The following PARD3 variants were observed in gnomAD, a reference collection of about 807,000 sequenced individuals.
PARD3 encodes the protein partitioning defective 3 homolog.
PARD3 carries 75 observed loss-of-function variants against 155.4 expected under a neutral mutation model. That is an observed-to-expected ratio of 0.48 (90% CI 0.40 to 0.58). The LOEUF (loss-of-function observed/expected upper bound fraction) is 0.58. Ranked by LOEUF, PARD3 falls within the 20% of genes least tolerant of loss-of-function variation. The pLI is 0.00. For synonymous variants in PARD3, 576 were observed against 610.5 expected (o/e 0.94, Z 0.83); for missense variants, 1,642 against 1,721.7 (o/e 0.95, Z 0.82).
At chr10:34,535,120 A>G (rs538627856) in intron 2 of PARD3, among the ~76,000 whole-genome samples, 1 of 152,244 alleles carries the variant, frequency 6.6e-6, no homozygotes. Context: ...TTATGTAACA[A>G]TCTACATAAA....
At chr10:34,674,389 C>T (rs1223257371) in intron 2 of PARD3, among the ~76,000 whole-genome samples, 1 of 151,494 alleles carries the variant, frequency 6.6e-6, no homozygotes, top group Non-Finnish European at 1.5e-5. Flanking sequence ...CACTGCCTAG[C>T]GGGTAGCCCT....
At chr10:34,468,972 T>C (rs529211946) in intron 4 of PARD3, among the ~76,000 whole-genome samples, 1 of 152,318 alleles carries the variant, frequency 6.6e-6, no homozygotes, top group African/African-American at 2.4e-5. Flanking sequence ...TGAAAAAATG[T>C]TTATTAATTC....
intron 3 of PARD3, among the ~76,000 whole-genome samples, chr10:34,498,502 C>T (rs1244396690): frequency 1.3e-5 from 2 of 152,176 alleles, no homozygotes; most frequent in Admixed American, 6.5e-5. Context: ...CCCCTGGGCA[C>T]AGTGTTGCTC....
chr10:34,540,919 G>C (rs140994835), intron 2 of PARD3, among the ~76,000 whole-genome samples: 199 of 152,234 alleles, frequency 1.3e-3, no homozygotes, highest in African/African-American at 4.5e-3. Context: ...TGAAGTTTTA[G>C]AACAATGACC....
chr10:34,703,047 T>C (rs542789204), intron 1 of PARD3, among the ~76,000 whole-genome samples: 1 of 151,860 alleles, frequency 6.6e-6, no homozygotes, highest in East Asian at 1.9e-4. Flanking sequence ...GAAAGAAACG[T>C]GGTGAGAGAG....
At chr10:34,347,326 TG>T (rs1215313635) in intron 15 of PARD3, among the ~76,000 whole-genome samples, 1 of 152,360 alleles carries the variant, frequency 6.6e-6, no homozygotes, top group Admixed American at 6.5e-5. Flanking sequence ...AGTAGAAAGC[TG>T]AACTGCTGCA....
At chr10:34,644,935 C>T (rs2092790486) in intron 2 of PARD3, among the ~76,000 whole-genome samples, 2 of 152,174 alleles carry the variant, frequency 1.3e-5, no homozygotes, top group South Asian at 2.1e-4. Flanking sequence ...CCCACTTCAG[C>T]CTTGAACTCC....
intron 22 of PARD3, among the ~76,000 whole-genome samples, chr10:34,181,723 A>AT (rs959073446): frequency 1.2e-4 from 19 of 152,264 alleles, no homozygotes; most frequent in African/African-American, 4.1e-4. Flanking sequence ...ATCTGGTTAC[A>AT]TGGGATTGCT....
chr10:34,187,615 T>C (rs1472776678), intron 22 of PARD3, among the ~76,000 whole-genome samples: 1 of 152,226 alleles, frequency 6.6e-6, no homozygotes, highest in African/African-American at 2.4e-5. Context: ...AGGGGAGTGA[T>C]GTAAATTTAG....
chr10:34,787,081 C>T lies in PARD3; in HGVS notation c.120+27795G>A, dbSNP rs942305537. On this transcript the variant is annotated intron_variant, in intron 1 of 24. Transcript: ENST00000374788. ...CAAAAATCCCTATGAATCTACTATA[C>T]ACCAAGAATATAAAGATAGGCCAGG... 3.9e-5 allele frequency among the ~76,000 whole-genome samples: 6 copies of T among 152,280 alleles called. No individual in the cohort carries two copies. The South Asian group carries it at 1.2e-3, about 32-fold the overall frequency.
intron 2 of PARD3, among the ~76,000 whole-genome samples, chr10:34,599,763 G>T (rs1302437633): frequency 6.6e-6 from 1 of 152,098 alleles, no homozygotes; most frequent in Non-Finnish European, 1.5e-5. Context: ...TCAACCTGAG[G>T]TCTACAAGAC....
chr10:34,593,386 C>T (rs2088908787), intron 2 of PARD3, among the ~76,000 whole-genome samples: 1 of 152,100 alleles, frequency 6.6e-6, no homozygotes, highest in African/African-American at 2.4e-5. Context: ...GTGTATAAAG[C>T]AATGTATAAG....
intron 22 of PARD3, among the ~76,000 whole-genome samples, chr10:34,151,472 A>T (rs1948779664): frequency 6.6e-6 from 1 of 152,196 alleles, no homozygotes; most frequent in Admixed American, 6.5e-5. Flanking sequence ...TTCTAAAAAC[A>T]TGAGTGTATA....
chr10:34,651,011 C>CAAAAAAAAAAAA (rs60113552), intron 2 of PARD3, among the ~76,000 whole-genome samples: 10 of 44,544 alleles, frequency 2.2e-4, no homozygotes, highest in Middle Eastern at 0.016. Flanking sequence ...AACTCTGTCT[C>CAAAAAAAAAAAA]AAAAAAAAAA....
At chr10:34,387,584 T>C (rs1456925518) in intron 7 of PARD3, among the ~76,000 whole-genome samples, 1 of 152,064 alleles carries the variant, frequency 6.6e-6, no homozygotes, top group African/African-American at 2.4e-5. Flanking sequence ...CTGGCTAGTT[T>C]GTTTGTTTGT....
chr10:34,722,850 A>C (rs1466608256), intron 1 of PARD3, among the ~76,000 whole-genome samples: 2 of 152,168 alleles, frequency 1.3e-5, no homozygotes, highest in Non-Finnish European at 2.9e-5. Flanking sequence ...ACATGATGAA[A>C]TATTTACCAG....
intron 12 of PARD3, among the ~76,000 whole-genome samples, chr10:34,368,340 A>G (rs575716197): frequency 6.6e-6 from 1 of 152,304 alleles, no homozygotes; most frequent in South Asian, 2.1e-4. Flanking sequence ...GGTAGAAGTC[A>G]GTAGGATTAG....
chr10:34,466,720 A>G (rs979295341), intron 4 of PARD3, among the ~76,000 whole-genome samples: 1 of 152,114 alleles, frequency 6.6e-6, no homozygotes, highest in Non-Finnish European at 1.5e-5. Context: ...GGCTTAACAG[A>G]AATAAATAAA....
At chr10:34,453,149 C>T (rs1003729028) in intron 4 of PARD3, among the ~76,000 whole-genome samples, 9 of 152,214 alleles carry the variant, frequency 5.9e-5, no homozygotes, top group African/African-American at 2.2e-4. Context: ...ATGGTGCTTA[C>T]TGTACCACAC....
Sources: allele counts gnomAD v4.1 joint callset (sites outside exome capture counted in the v4.1 genomes callset), GRCh38; gene constraint gnomAD v4.1.1; transcripts MANE v1.5; gene names NCBI Gene and HGNC (gene_info 2026-07-23, HGNC 2026-07-21).